Variants in KANSL1 observed in about 807,000 individuals in gnomAD.
KANSL1 encodes the protein KAT8 regulatory NSL complex subunit 1.
In KANSL1, 22 loss-of-function variants were observed where a neutral mutation model predicts 103.6. The ratio of observed to expected loss-of-function variants is 0.21; its 90% CI spans 0.15 to 0.30. The LOEUF (loss-of-function observed/expected upper bound fraction) is 0.30. Among genes scored for constraint, KANSL1 ranks in the 10% least tolerant of loss-of-function variants. KANSL1 has a pLI of 1.00. For missense variants in KANSL1, 1,337 were observed against 1,399.8 expected, an observed-to-expected ratio of 0.96 and a Z score of 0.72; for synonymous variants, 600 against 527.6, an observed-to-expected ratio of 1.14 and a Z score of -1.88.
At chr17:46,039,980 C>A in intron 7 of KANSL1, 96 bp from the exon 8 acceptor site, 3 of 1,133,838 alleles carry the variant, frequency 2.6e-6, no homozygotes, top group South Asian at 2.8e-5. Context: ...TGCCCAGTGG[C>A]CTGACACTTG....
intron 12 of KANSL1, 102 bp downstream of exon 12, chr17:46,033,301 C>T (rs1182610078): frequency 1.4e-6 from 2 of 1,449,804 alleles, no homozygotes; most frequent in African/African-American, 1.4e-5. Flanking sequence ...GGAGCTTGCA[C>T]TTCACACCCA....
intron 6 of KANSL1, among the ~76,000 whole-genome samples, chr17:46,056,056 T>C (rs933806479): frequency 6.6e-6 from 1 of 152,202 alleles, no homozygotes; most frequent in Non-Finnish European, 1.5e-5. Context: ...TAGAGTGCAA[T>C]GGTGCGATCT....
chr17:46,041,153 C>G (rs1050264047), intron 7 of KANSL1: 1 of 152,160 alleles, frequency 6.6e-6, no homozygotes, highest in Non-Finnish European at 1.5e-5. Context: ...TATATAATGA[C>G]CTTGTAGCCT....
chr17:46,038,915 T>C, intron 9 of KANSL1, 112 bp downstream of exon 9: 1 of 1,374,208 alleles, frequency 7.3e-7, no homozygotes, highest in Non-Finnish European at 1.0e-6. Context: ...TCTACTCTGC[T>C]TTCCTAGAAA....
Position 46,033,113 on chromosome 17 carries a change from G to C in KANSL1, c.2804C>G (p.Thr935Ser). 6.3e-7 allele frequency: 1 copy of C among 1,599,844 alleles called. No homozygotes were observed. Among genetic ancestry groups the C allele is most frequent in the Non-Finnish European group, 8.5e-7 (1 of 1,172,844 alleles). ...EEMERARWLW[T>S]TSVPPQRRGS... ...CCGCCGCTGGGGTGGCACACTCGTG[G>C]TCCACAGCCACCGTGCCCTCTCCAT... The change falls in exon 13 of 15, where the codon ACC becomes AGC. Residue 935 changes from threonine (T) to serine (S), a missense_variant. This residue lies in a region of KANSL1 where 780 missense variants were observed against 923.4 expected (regional missense o/e 0.84). Coordinates refer to ENST00000432791, the MANE Select transcript of KANSL1 (RefSeq NM_015443.4).
At chr17:46,092,748 A>G (rs1267481493) in intron 3 of KANSL1, 1 of 92,130 alleles carries the variant, frequency 1.1e-5, no homozygotes, top group Non-Finnish European at 2.0e-5. Flanking sequence ...TGTCTTTTAT[A>G]CTTCTATGTC....
rs765213873 is a variant in KANSL1 at position 46,171,614 on chromosome 17, T to A, written c.530A>T (p.Asn177Ile). The change falls in exon 2 of 15, where the codon AAT (asparagine) becomes ATT (isoleucine). Residue 177 changes from asparagine to isoleucine, a missense_variant. Physicochemically the swap from Asn to Ile is moderately radical, Grantham distance 149. Transcript: ENST00000432791. ...HSDHDNSTSL[N>I]GGKRALTSSA... ...TGAAGTGAGAGCCCGTTTTCCCCCA[T>A]TGAGGGAAGTGGAATTGTCATGATC... 3.8e-6 allele frequency: 6 copies of A among 1,577,414 alleles called. No homozygotes were observed. The highest frequency in any genetic ancestry group is 5.1e-6 in the Non-Finnish European group (6 of 1,165,266).
chr17:46,208,289 CT>C (rs2048039078), intron 1 of KANSL1, among the ~76,000 whole-genome samples: 1 of 152,058 alleles, frequency 6.6e-6, no homozygotes, highest in Admixed American at 6.5e-5. Flanking sequence ...CTGTTCTGGG[CT>C]GACTTTTGTT....
intron 2 of KANSL1, among the ~76,000 whole-genome samples, chr17:46,167,273 A>G (rs77506648): frequency 0.12 from 17,281 of 149,656 alleles, no homozygotes; most frequent in Non-Finnish European, 0.18. Flanking sequence ...AATTGCAGGG[A>G]AAAAAAAACA....
intron 10 of KANSL1, chr17:46,038,090 C>A (rs1185043916): frequency 6.2e-6 from 1 of 160,788 alleles, no homozygotes; most frequent in African/African-American, 2.4e-5. Flanking sequence ...TTCACCTCCA[C>A]TCACCCAGAG....
intron 3 of KANSL1, among the ~76,000 whole-genome samples, chr17:46,082,751 T>C (rs955870862): frequency 2.0e-5 from 3 of 152,150 alleles, no homozygotes; most frequent in African/African-American, 4.8e-5. Flanking sequence ...TCTCTGCCAC[T>C]TGACTGCTCT....
chr17:46,211,943 C>T (rs2048180761), intron 1 of KANSL1, among the ~76,000 whole-genome samples: 1 of 152,334 alleles, frequency 6.6e-6, no homozygotes, highest in East Asian at 1.9e-4. Context: ...AGGTTAACAT[C>T]TTAACAGATA....
intron 14 of KANSL1, 35 bp downstream of exon 14, chr17:46,032,012 C>G: frequency 6.2e-7 from 1 of 1,613,118 alleles, no homozygotes; most frequent in Non-Finnish European, 8.5e-7. Flanking sequence ...CATCCCCCAA[C>G]CATGCCAACC....
intron 2 of KANSL1, among the ~76,000 whole-genome samples, chr17:46,132,157 G>A (rs1341950461): frequency 6.6e-6 from 1 of 152,038 alleles, no homozygotes; most frequent in Non-Finnish European, 1.5e-5. Flanking sequence ...GAGTATACAG[G>A]AGTCCTAAAA....
upstream of KANSL1, among the ~76,000 whole-genome samples, chr17:46,195,604 C>G (rs2047579952): frequency 6.6e-6 from 1 of 152,212 alleles, no homozygotes. Context: ...GCTCGGTTGC[C>G]CAGGCTAGAG....
rs530449772 is a variant in KANSL1 at position 46,137,768 on chromosome 17, G to A, written c.1289+33087C>T. Among the ~76,000 whole-genome samples the A allele has an allele frequency of 3.5e-3, 538 of 151,906 alleles. 2 individuals are homozygous for A. The highest frequency in any genetic ancestry group is 0.012 in the African/African-American group (509 of 41,314). ...TGTAGTCCCAGCTACTCAGGAGGCTGAGGCAGGAGAATGGCGTGAACCCAG... is the reference window on the plus strand; with the variant it reads ...TGTAGTCCCAGCTACTCAGGAGGCTAAGGCAGGAGAATGGCGTGAACCCAG... On this transcript the variant is annotated intron_variant, in intron 2 of 14. Transcript: ENST00000432791.
intron 6 of KANSL1, among the ~76,000 whole-genome samples, chr17:46,052,993 A>G (rs2077777208): frequency 8.0e-6 from 1 of 125,468 alleles, no homozygotes; most frequent in Admixed American, 9.2e-5. Context: ...AAAAAAAAAA[A>G]AAAAAAAAAA....
intron 6 of KANSL1, among the ~76,000 whole-genome samples, chr17:46,055,465 CAAA>C (rs34767403): frequency 8.3e-6 from 1 of 119,996 alleles, no homozygotes; most frequent in African/African-American, 3.3e-5. Context: ...AACTCCCTCT[CAAA>C]AAAAAAAAAA....
intron 6 of KANSL1, among the ~76,000 whole-genome samples, chr17:46,060,870 A>C (rs2078132816): frequency 6.6e-6 from 1 of 152,236 alleles, no homozygotes; most frequent in Non-Finnish European, 1.5e-5. Flanking sequence ...GAAGAAGAGG[A>C]GGACTACTCG....
Sources: gnomAD v4.1 joint callset for allele counts (sites outside exome capture counted in the v4.1 genomes callset) on GRCh38, gnomAD v4.1.1 for gene constraint, gnomAD v4.1.1 regional missense constraint, MANE v1.5 for transcripts, NCBI Gene and HGNC (gene_info 2026-07-23, HGNC 2026-07-21) for gene names.